Variants in SLX4 observed in about 807,000 individuals in gnomAD.
The protein encoded by SLX4 is SLX4 structure-specific endonuclease subunit.
A neutral mutation model predicts 146.2 loss-of-function variants in SLX4; 112 were observed. That is an observed-to-expected ratio of 0.77 (90% CI 0.66 to 0.90). The LOEUF (loss-of-function observed/expected upper bound fraction) is 0.90, where lower values mean the gene tolerates loss of function less well. SLX4 is among the 40% of genes least tolerant of loss of function. The probability of loss-of-function intolerance (pLI) is 0.00; values close to 1 mark genes in which losing one functional copy is unlikely to be tolerated. For synonymous variants in SLX4, 1,061 were observed against 997.7 expected, an observed-to-expected ratio of 1.06 and a Z score of -1.20; for missense variants, 2,563 against 2,392.7, an observed-to-expected ratio of 1.07 and a Z score of -1.49.
At position 3,608,646 on chromosome 16, in the gene SLX4, C is replaced by T. The variant is rs2151139449; in HGVS notation, c.319G>A (p.Ala107Thr). The change falls in exon 2 of 15, where the codon GCA (alanine) becomes ACA (threonine). Residue 107 changes from alanine to threonine, a missense_variant. By Grantham distance (58) the Ala-to-Thr change is moderately conservative. Coordinates refer to ENST00000294008, the MANE Select transcript of SLX4 (RefSeq NM_032444.4). ...CTGCCAGACGGAGGTTTCTTCTCTG[C>T]AGGGCCTTGAAGGGTTTTGGTCTTG... ...ATKTKTLQGP[A>T]EKKPPSGSQA... 1.9e-6 allele frequency: 3 copies of T among 1,614,196 alleles called. No individual in the cohort carries two copies. The highest frequency in any genetic ancestry group is 2.5e-6 in the Non-Finnish European group (3 of 1,180,036).
intron 3 of SLX4, among the ~76,000 whole-genome samples, chr16:3,603,755 C>T (rs1254103293): frequency 6.6e-6 from 1 of 152,222 alleles, no homozygotes; most frequent in African/African-American, 2.4e-5. Flanking sequence ...CGGTGCCACA[C>T]CAAGTACACA....
intron 10 of SLX4, among the ~76,000 whole-genome samples, chr16:3,593,105 C>T (rs1174616919): frequency 2.0e-5 from 3 of 152,130 alleles, no homozygotes; most frequent in African/African-American, 7.2e-5. Flanking sequence ...GAATCTCTCT[C>T]TGTTGCCCAG....
chr16:3,592,121 T>G (rs1248495439), intron 11 of SLX4, among the ~76,000 whole-genome samples: 7 of 152,244 alleles, frequency 4.6e-5, no homozygotes, highest in African/African-American at 1.7e-4. Flanking sequence ...CCCGTCAGTA[T>G]ATTTCCAACT....
chr16:3,602,335 G>A (rs1177661506), intron 3 of SLX4, 28 bp from the exon 4 acceptor site: 2 of 1,611,596 alleles, frequency 1.2e-6, no homozygotes, highest in African/African-American at 2.7e-5. Context: ...AGATCCGTGA[G>A]AATAAACTCC....
chr16:3,609,005 T>A lies in SLX4; in HGVS notation c.-41A>T. The A allele has an allele frequency of 6.3e-7, 1 of 1,599,728 alleles. No homozygotes were observed. Among genetic ancestry groups the A allele is most frequent in the South Asian group, 1.1e-5 (1 of 90,394 alleles). On this transcript the variant is annotated 5_prime_UTR_variant, in exon 2 of 15. Coordinates refer to ENST00000294008, the MANE Select transcript of SLX4 (RefSeq NM_032444.4). ...CTTCTCCATTAGATACTTGGAGAGT[T>A]TGCACAATTGAACAAAAAGTACTGT...
Position 3,597,304 on chromosome 16 carries a change from G to A in SLX4, c.1683+75C>T. 2 of 1,429,674 alleles carry A rather than the reference G, an allele frequency of 1.4e-6. No homozygotes were observed. Among genetic ancestry groups the A allele is most frequent in the Non-Finnish European group, 9.3e-7 (1 of 1,076,710 alleles). 88.6% of individuals were successfully genotyped at this position (1,429,674 alleles called of 1,614,324 possible). ...TGGACTTTCCATCACCTGGCTGTGG[G>A]TACCCAGTGTTGCAGTTCTGGGATT... On this transcript the variant is annotated intron_variant, in intron 7 of 14. Transcript: ENST00000294008. This position sits in a 1 kb window ranked among gnomAD's most constrained non-coding sequence, Gnocchi z 4.4.
In SLX4 at chr16:3,590,077, C is replaced by T. The variant is rs2151123357; in HGVS notation, c.3561G>A (p.Arg1187=). 3 of 1,614,174 alleles carry T rather than the reference C, an allele frequency of 1.9e-6. No individual in the cohort carries two copies. Among genetic ancestry groups the T allele is most frequent in the South Asian group, 1.1e-5 (1 of 91,078 alleles). ...EEKKALEISP[R]SCELFSIIDV... ...CAATGATGGAAAACAGCTCACAGGA[C>T]CTAGGGCTAATTTCTAGAGCTTTCT... The change falls in exon 12 of 15, where the codon AGG becomes AGA. Residue 1187 remains arginine, a synonymous_variant. Transcript: ENST00000294008. The surrounding 1 kb of genome is among the most constrained non-coding windows in gnomAD (Gnocchi z 4.8).
At chr16:3,588,016 A>C (rs776105507) in intron 12 of SLX4, among the ~76,000 whole-genome samples, 44 of 152,252 alleles carry the variant, frequency 2.9e-4, no homozygotes, top group Non-Finnish European at 4.9e-4. Context: ...GCATCCCTGC[A>C]CCTGGGAGGA....
At position 3,608,934 on chromosome 16, in the gene SLX4, C is replaced by A. The variant is rs2151140016; in HGVS notation, c.31G>T (p.Gly11Cys). ...TGAGAAAGTGAACCCAAGTAGAAGC[C>A]TAGCTGAGCCTCATTCACACTCAGT... MKLSVNEAQL[G>C]FYLGSLSHLS... The change falls in exon 2 of 15, where the codon GGC becomes TGC. Residue 11 changes from glycine to cysteine, a missense_variant. By Grantham distance (159) the Gly-to-Cys change is radical. Coordinates refer to ENST00000294008, the MANE Select transcript of SLX4 (RefSeq NM_032444.4). 6.2e-7 allele frequency: 1 copy of A among 1,613,906 alleles called. No homozygotes were observed. The highest frequency in any genetic ancestry group is 1.7e-5 in the Admixed American group (1 of 60,018).
At chr16:3,602,600 A>G (rs76743466) in intron 3 of SLX4, among the ~76,000 whole-genome samples, 1 of 152,112 alleles carries the variant, frequency 6.6e-6, no homozygotes, top group South Asian at 2.1e-4. Context: ...GACTCTCCGC[A>G]TTTCTAGCAG....
intron 3 of SLX4, among the ~76,000 whole-genome samples, chr16:3,603,173 C>A (rs896171698): frequency 2.0e-5 from 3 of 152,178 alleles, no homozygotes; most frequent in Non-Finnish European, 4.4e-5. Flanking sequence ...CCTGCCTCAG[C>A]CTCCTGAGTA....
At chr16:3,607,540 C>T (rs752950325) in intron 2 of SLX4, among the ~76,000 whole-genome samples, 16 of 152,070 alleles carry the variant, frequency 1.1e-4, no homozygotes, top group Non-Finnish European at 2.1e-4. Context: ...AAAAATTATC[C>T]AGGCACGGTG....
chr16:3,608,750 C>A lies in SLX4; in HGVS notation c.215G>T (p.Gly72Val), dbSNP rs1011293406. 1.9e-6 allele frequency: 3 copies of A among 1,614,154 alleles called. No individual in the cohort carries two copies. The highest frequency in any genetic ancestry group is 2.5e-6 in the Non-Finnish European group (3 of 1,180,038). Residue 72 changes from glycine (G) to valine (V), a missense_variant, in exon 2 of 15, where the codon GGA becomes GTA. Physicochemically the swap from Gly to Val is moderately radical, Grantham distance 109. Coordinates refer to ENST00000294008, the MANE Select transcript of SLX4 (RefSeq NM_032444.4). ...VKKHGIKEVS[G>V]ERKTQKAASN... ...GGCAGCCTTTTGTGTCTTCCTTTCT[C>A]CTGACACTTCCTTGATTCCATGTTT...
In SLX4 at chr16:3,595,606, A is replaced by G. The variant is rs77985244; in HGVS notation, c.2012T>C (p.Leu671Ser). 104,117 of 1,613,608 alleles carry G rather than the reference A, an allele frequency of 0.065. 3,591 individuals are homozygous for G. Among genetic ancestry groups the G allele is most frequent in the African/African-American group, 0.088 (6,591 of 75,006 alleles). Residue 671 changes from leucine to serine, a missense_variant and splice_region_variant, in exon 9 of 15, where the codon TTG (leucine) becomes TCG (serine). Coordinates refer to ENST00000294008, the MANE Select transcript of SLX4 (RefSeq NM_032444.4). Reference sequence around the variant, plus strand: ...GCGCGGGCCAGAGCCAGTTCTTACCAAGGTGCGGCCGCCCCTGTCCGGGTG... The same window carrying G: ...GCGCGGGCCAGAGCCAGTTCTTACCGAGGTGCGGCCGCCCCTGTCCGGGTG... ...DKHPDRGGRT[L>S]LSLGLLVADF...
intron 10 of SLX4, 43 bp downstream of exon 10, chr16:3,594,410 G>A (rs771962883): frequency 1.9e-6 from 3 of 1,589,328 alleles, no homozygotes; most frequent in African/African-American, 2.7e-5. Context: ...GAGGAGAGAG[G>A]GAGAGAGAGG....
In SLX4 at chr16:3,597,174, G is replaced by C. The variant is rs2040670436; in HGVS notation, c.1683+205C>G. 6.6e-6 allele frequency among the ~76,000 whole-genome samples: 1 copy of C among 152,144 alleles called. No homozygotes were observed. The highest frequency in any genetic ancestry group is 2.1e-4 in the South Asian group (1 of 4,822). ...GAACACACTCTGGTGGACACCAAGG[G>C]TCCTCCCTGATCCTACCCAGAGTAC... On this transcript the variant is annotated intron_variant, in intron 7 of 14. Transcript: ENST00000294008. This position sits in a 1 kb window ranked among gnomAD's most constrained non-coding sequence, Gnocchi z 4.4.
intron 5 of SLX4, chr16:3,600,660 G>A: frequency 3.0e-6 from 1 of 328,646 alleles, no homozygotes; most frequent in Admixed American, 4.6e-5. Flanking sequence ...GAGTGCAGTG[G>A]TACGATCTTG....
rs2040448170 is a variant in SLX4, at chr16:3,582,408, G to T, written c.5439C>A (p.Thr1813=). ...THCITFTTAA[T]RREKLQGRRR... ...TCCTGCCCTGGAGCTTCTCCCTGCG[G>T]GTGGCGGCAGTGGTGAAGGTGATAC... The change falls in exon 15 of 15, where the codon ACC becomes ACA. Residue 1813 remains threonine, a synonymous_variant. Transcript: ENST00000294008. 6.2e-7 allele frequency: 1 copy of T among 1,613,796 alleles called. No individual in the cohort carries two copies. Among genetic ancestry groups the T allele is most frequent in the African/African-American group, 1.3e-5 (1 of 74,952 alleles).
In SLX4 at chr16:3,606,669, G is replaced by C. The variant is rs757069991; in HGVS notation, c.565C>G (p.Pro189Ala). 1.9e-6 allele frequency: 3 copies of C among 1,614,220 alleles called. No homozygotes were observed. The highest frequency in any genetic ancestry group is 4.5e-5 in the East Asian group (2 of 44,882). Residue 189 changes from proline (P) to alanine (A), a missense_variant, in exon 3 of 15, where the codon CCT (proline) becomes GCT (alanine). Coordinates refer to ENST00000294008, the MANE Select transcript of SLX4 (RefSeq NM_032444.4). ...ENVPNSDSQP[P>A]PSCLTTAVPS... Reference sequence around the variant, plus strand: ...ACTGCTGTTGTCAAACAGGAAGGAGGAGGCTGGGAGTCGCTGTTGGGCACA... The same window carrying C: ...ACTGCTGTTGTCAAACAGGAAGGAGCAGGCTGGGAGTCGCTGTTGGGCACA...
Sources: allele counts gnomAD v4.1 joint callset (sites outside exome capture counted in the v4.1 genomes callset), GRCh38; gene constraint gnomAD v4.1.1; non-coding constraint Gnocchi (gnomAD v3.1); transcripts MANE v1.5; gene names NCBI Gene and HGNC (gene_info 2026-07-23, HGNC 2026-07-21).